PARG: variants seen among roughly 807,000 people sequenced by gnomAD.
PARG encodes the protein mitochondrial poly(ADP-ribose) glycohydrolase.
A neutral mutation model predicts 113.0 loss-of-function variants in PARG; 35 were observed. That is an observed-to-expected ratio of 0.31 (90% CI 0.24 to 0.41). PARG has a LOEUF of 0.41. PARG is among the 10% of genes least tolerant of loss of function. The pLI, the probability that PARG is intolerant of heterozygous loss-of-function variation, is 1.00. For missense variants in PARG, 797 were observed against 1,169.4 expected (o/e 0.68, Z 4.64); for synonymous variants, 330 against 409.9 (o/e 0.81, Z 2.36).
intron 13 of PARG, among the ~76,000 whole-genome samples, chr10:49,852,906 A>C (rs1423822567): frequency 3.3e-5 from 5 of 150,956 alleles, no homozygotes; most frequent in Admixed American, 2.0e-4. Flanking sequence ...AAATGAAACA[A>C]GTTAGCTTTA....
chr10:49,821,083 A>G (rs1554828549), intron 16 of PARG, among the ~76,000 whole-genome samples: 1 of 151,848 alleles, frequency 6.6e-6, no homozygotes, highest in African/African-American at 2.4e-5. Context: ...CTGCACTCCC[A>G]CCTCCACTGG....
chr10:49,869,367 G>A, intron 10 of PARG, 109 bp downstream of exon 10: 1 of 670,206 alleles, frequency 1.5e-6, no homozygotes, highest in African/African-American at 1.8e-5. Context: ...GTTTCAATGT[G>A]GTTGGGACAG....
chr10:49,864,818 TC>T (rs1319965494), intron 11 of PARG, among the ~76,000 whole-genome samples: 3 of 134,314 alleles, frequency 2.2e-5, no homozygotes, highest in African/African-American at 8.5e-5. Flanking sequence ...AATAGCAACT[TC>T]CACAAAATCT....
At chr10:49,907,168 T>A (rs139542405) in intron 7 of PARG, among the ~76,000 whole-genome samples, 559 of 152,016 alleles carry the variant, frequency 3.7e-3, no homozygotes, top group East Asian at 0.015. Context: ...GCAGAAAATG[T>A]CTTTTTGTAA....
intron 4 of PARG, 86 bp from the exon 5 acceptor site, chr10:49,922,755 C>CTA (rs10639969): frequency 0.49 from 379,341 of 769,886 alleles, 99,792 homozygotes; most frequent in East Asian, 0.57. Flanking sequence ...AAAGCAAATG[C>CTA]TATAAAATAG....
chr10:49,838,941 T>C (rs1417200097), intron 15 of PARG, among the ~76,000 whole-genome samples: 2 of 152,222 alleles, frequency 1.3e-5, no homozygotes, highest in Non-Finnish European at 2.9e-5. Flanking sequence ...GAAGAATATT[T>C]AGGAAATATA....
rs558332459 is a variant in PARG, at chr10:49,879,218, C to T, written c.1988+455G>A. 3.4e-3 allele frequency among the ~76,000 whole-genome samples: 512 copies of T among 152,270 alleles called. 2 individuals are homozygous for T. Among genetic ancestry groups the T allele is most frequent in the African/African-American group, 0.012 (493 of 41,560 alleles). ...CAAAACAATTACATTTTTCAAGTCT[C>T]ATAAGACAGCTCATGACTTTAGACT... On this transcript the variant is annotated intron_variant, in intron 9 of 17. Coordinates refer to ENST00000616448, the MANE Select transcript of PARG (RefSeq NM_003631.5).
chr10:49,845,639 G>A (rs1845469385), intron 13 of PARG, among the ~76,000 whole-genome samples: 1 of 152,072 alleles, frequency 6.6e-6, no homozygotes, highest in African/African-American at 2.4e-5. Flanking sequence ...GCTCATGCCT[G>A]TAATCCCAGC....
intron 7 of PARG, among the ~76,000 whole-genome samples, chr10:49,907,166 T>C (rs573610270): frequency 9.2e-5 from 14 of 152,304 alleles, no homozygotes; most frequent in African/African-American, 3.1e-4. Context: ...TGGCAGAAAA[T>C]GTCTTTTTGT....
chr10:49,914,625 A>AT (rs1221808468), intron 7 of PARG, among the ~76,000 whole-genome samples: 1 of 152,236 alleles, frequency 6.6e-6, no homozygotes, highest in East Asian at 1.9e-4. Flanking sequence ...AATGCAAAGA[A>AT]TCCAAAAATA....
chr10:49,844,622 CAAAA>C (rs34659290), intron 13 of PARG, among the ~76,000 whole-genome samples: 1 of 111,180 alleles, frequency 9.0e-6, no homozygotes. Flanking sequence ...GACTCCATCT[CAAAA>C]AAAAAAAAAA....
At chr10:49,896,420 G>A (rs556952782) in intron 7 of PARG, among the ~76,000 whole-genome samples, 17 of 152,146 alleles carry the variant, frequency 1.1e-4, no homozygotes, top group Non-Finnish European at 2.2e-4. Flanking sequence ...AAGTAGCTGG[G>A]ACTACAGGTG....
chr10:49,902,653 T>C (rs1199307271), intron 7 of PARG, among the ~76,000 whole-genome samples: 4 of 152,274 alleles, frequency 2.6e-5, no homozygotes, highest in African/African-American at 9.6e-5. Flanking sequence ...ACAAGGTGTC[T>C]GTCCTCTAGA....
chr10:49,860,122 C>T (rs574207398), intron 12 of PARG, among the ~76,000 whole-genome samples: 6 of 152,156 alleles, frequency 3.9e-5, no homozygotes, highest in Admixed American at 1.3e-4. Flanking sequence ...CGATCTCCTG[C>T]GGAGACATGG....
At chr10:49,898,961 G>A (rs1425772362) in intron 7 of PARG, among the ~76,000 whole-genome samples, 1 of 152,096 alleles carries the variant, frequency 6.6e-6, no homozygotes, top group Non-Finnish European at 1.5e-5. Flanking sequence ...GCCCTTACTA[G>A]AAGCTCCTTT....
chr10:49,884,979 T>C (rs573983916), intron 8 of PARG, among the ~76,000 whole-genome samples: 7 of 150,262 alleles, frequency 4.7e-5, no homozygotes, highest in African/African-American at 1.7e-4. Context: ...TGTCCTTTTG[T>C]AGTACTCTCT....
At chr10:49,912,905 G>A (rs1171299870) in intron 7 of PARG, among the ~76,000 whole-genome samples, 2 of 152,280 alleles carry the variant, frequency 1.3e-5, no homozygotes, top group South Asian at 2.1e-4. Flanking sequence ...GAGGTTTGAG[G>A]CTGCAGTGAG....
At chr10:49,892,194 CA>C (rs1247546435) in intron 7 of PARG, among the ~76,000 whole-genome samples, 7 of 151,780 alleles carry the variant, frequency 4.6e-5, no homozygotes, top group Non-Finnish European at 7.4e-5. Flanking sequence ...CCAAATATGA[CA>C]AAAAAGGCAT....
At chr10:49,848,331 G>C (rs1428618960) in intron 13 of PARG, among the ~76,000 whole-genome samples, 1 of 148,694 alleles carries the variant, frequency 6.7e-6, no homozygotes, top group Non-Finnish European at 1.5e-5. Context: ...CCTGGTGACA[G>C]AGTGAGACTC....
Sources: allele counts gnomAD v4.1 joint callset (sites outside exome capture counted in the v4.1 genomes callset), GRCh38; gene constraint gnomAD v4.1.1; transcripts MANE v1.5; gene names NCBI Gene and HGNC (gene_info 2026-07-23, HGNC 2026-07-21).